GSE1: variants seen among roughly 807,000 people sequenced by gnomAD.
GSE1 encodes the protein genetic suppressor element 1.
In GSE1, 32 loss-of-function variants were observed where a neutral mutation model predicts 112.6. That is an observed-to-expected ratio of 0.28 (90% CI 0.21 to 0.38). The LOEUF is 0.38. GSE1 is among the 10% of genes least tolerant of loss of function. The pLI, the probability that GSE1 is intolerant of heterozygous loss-of-function variation, is 1.00. For missense variants in GSE1, 2,348 were observed against 1,699.2 expected, an observed-to-expected ratio of 1.38 and a Z score of -6.71; for synonymous variants, 1,115 against 735.6, an observed-to-expected ratio of 1.52 and a Z score of -8.35.
In GSE1 at chr16:85,484,203, A is replaced by T. The variant is rs181847772; in HGVS notation, c.2464+126560A>T. Among the ~76,000 whole-genome samples the T allele has an allele frequency of 1.4e-4, 21 of 152,302 alleles. No homozygotes were observed. In the East Asian group the frequency reaches 3.5e-3, roughly 25 times the overall value. ...TCTTCCAACTGGGACGGTGAGCAAGACGTGGCCAGGGGCCAGTGGGTCCCA... is the reference window on the plus strand; with the variant it reads ...TCTTCCAACTGGGACGGTGAGCAAGTCGTGGCCAGGGGCCAGTGGGTCCCA... On this transcript the variant is annotated intron_variant, in intron 2 of 2. Transcript: ENST00000637419.
intron 2 of GSE1, among the ~76,000 whole-genome samples, chr16:85,526,280 C>T (rs1227378631): frequency 6.6e-6 from 1 of 152,266 alleles, no homozygotes; most frequent in Non-Finnish European, 1.5e-5. Flanking sequence ...TAGGGACTCG[C>T]TGTTCCCTTT....
intron 1 of GSE1, among the ~76,000 whole-genome samples, chr16:85,206,141 G>A (rs970302859): frequency 1.3e-5 from 2 of 151,254 alleles, no homozygotes; most frequent in Non-Finnish European, 2.9e-5. Flanking sequence ...AGTTCTGAAC[G>A]ATAAGGGGGA....
chr16:85,518,935 C>T (rs555314464), intron 2 of GSE1, among the ~76,000 whole-genome samples: 1 of 152,298 alleles, frequency 6.6e-6, no homozygotes, highest in East Asian at 1.9e-4. Flanking sequence ...TGTTTTTCTT[C>T]TCTGGACCTG....
At chr16:85,472,459 A>G (rs117124589) in intron 2 of GSE1, among the ~76,000 whole-genome samples, 4,027 of 152,136 alleles carry the variant, frequency 0.026, 71 homozygotes, top group South Asian at 0.053. Context: ...TCTGTGTCCA[A>G]ATTTCCTTCT....
At chr16:85,488,422 C>G (rs960397583) in intron 2 of GSE1, among the ~76,000 whole-genome samples, 1 of 152,196 alleles carries the variant, frequency 6.6e-6, no homozygotes, top group African/African-American at 2.4e-5. Context: ...CAGCACGTTA[C>G]AGCCTACGGG....
At position 85,661,542 on chromosome 16, in the gene GSE1, G is replaced by A. The variant is rs769903946; in HGVS notation, c.2037G>A (p.Glu679=). 3 of 1,612,016 alleles carry A rather than the reference G, an allele frequency of 1.9e-6. No homozygotes were observed. The East Asian group carries it at 6.7e-5, about 36-fold the overall frequency. ...CCGGGCCCTTCCTGGCTGAGCTCGA[G>A]AAGTCCACCCAGACCATCCTGGGCC... ...PGPGPFLAEL[E]KSTQTILGQQ... is the part of the protein sequence containing the mutation. Residue 679 remains glutamate, a synonymous_variant, in exon 9 of 16, where the codon GAG becomes GAA. Transcript: ENST00000253458.
At chr16:85,398,419 C>T (rs374868147) in intron 2 of GSE1, among the ~76,000 whole-genome samples, 1 of 152,076 alleles carries the variant, frequency 6.6e-6, no homozygotes, top group African/African-American at 2.4e-5. Context: ...GTCAGCAGGT[C>T]TGGGTCCAGT....
At chr16:85,382,854 G>A (rs2047582129) in intron 2 of GSE1, among the ~76,000 whole-genome samples, 1 of 150,544 alleles carries the variant, frequency 6.6e-6, no homozygotes, top group South Asian at 2.1e-4. Flanking sequence ...ATGCATACAT[G>A]TGCACACACA....
chr16:85,655,375 TGTCAGAG>T (rs976175943), intron 5 of GSE1, among the ~76,000 whole-genome samples: 1 of 152,260 alleles, frequency 6.6e-6, no homozygotes, highest in African/African-American at 2.4e-5. Flanking sequence ...TGCCCATCCT[TGTCAGAG>T]GTCAGAGGGG....
chr16:85,504,383 C>G (rs913202619), intron 2 of GSE1, among the ~76,000 whole-genome samples: 6 of 152,232 alleles, frequency 3.9e-5, no homozygotes, highest in Non-Finnish European at 7.3e-5. Context: ...TTTTGAGACC[C>G]AGAGGTCTGG....
Position 85,514,369 on chromosome 16 carries a change from C to A in GSE1, c.2465-119545C>A, listed in dbSNP as rs556217945. Among the ~76,000 whole-genome samples the A allele has an allele frequency of 1.4e-3, 210 of 150,928 alleles. 1 individual carries two copies. Among genetic ancestry groups the A allele is most frequent in the African/African-American group, 4.6e-3 (189 of 41,252 alleles). ...CATTTCCTCCTTCGTGGGACACCACCCCCCCATCCTTTGCACCCTCTGAGT... is the reference window on the plus strand; with the variant it reads ...CATTTCCTCCTTCGTGGGACACCACACCCCCATCCTTTGCACCCTCTGAGT... On this transcript the variant is annotated intron_variant, in intron 2 of 2. Transcript: ENST00000637419.
chr16:85,667,821 T>C (rs1178252498), intron 13 of GSE1, among the ~76,000 whole-genome samples: 2 of 152,064 alleles, frequency 1.3e-5, no homozygotes, highest in Non-Finnish European at 2.9e-5. Flanking sequence ...TCACGCCATT[T>C]CTCTCCAGCC....
intron 2 of GSE1, among the ~76,000 whole-genome samples, chr16:85,489,163 A>G (rs1314676750): frequency 6.6e-6 from 1 of 152,028 alleles, no homozygotes; most frequent in Non-Finnish European, 1.5e-5. Flanking sequence ...ATTTCATGTT[A>G]ATTAGCTTAA....
At chr16:85,649,023 C>T (rs1222132833) in intron 3 of GSE1, among the ~76,000 whole-genome samples, 1 of 152,106 alleles carries the variant, frequency 6.6e-6, no homozygotes, top group Non-Finnish European at 1.5e-5. Context: ...TTCTGGAGGC[C>T]ACAAGTTCAC....
At chr16:85,646,892 A>AGG (rs55946477) in intron 2 of GSE1, among the ~76,000 whole-genome samples, 1,437 of 128,606 alleles carry the variant, frequency 0.011, 24 homozygotes, top group Middle Eastern at 0.029. Flanking sequence ...CCCCACAACA[A>AGG]GGGGGGGGGT....
At chr16:85,387,281 A>C (rs2047708563) in intron 2 of GSE1, among the ~76,000 whole-genome samples, 1 of 149,916 alleles carries the variant, frequency 6.7e-6, no homozygotes, top group Non-Finnish European at 1.5e-5. Context: ...AGAACCCCCC[A>C]CTTTCCCGAC....
intron 1 of GSE1, among the ~76,000 whole-genome samples, chr16:85,278,409 A>G (rs902557039): frequency 3.3e-5 from 5 of 152,172 alleles, no homozygotes; most frequent in South Asian, 2.1e-4. Flanking sequence ...CCTGTTTTTC[A>G]TTAGGTTTTT....
intron 1 of GSE1, among the ~76,000 whole-genome samples, chr16:85,342,363 G>A (rs553160282): frequency 2.0e-5 from 3 of 152,322 alleles, no homozygotes; most frequent in Admixed American, 6.5e-5. Context: ...GGCAGGGGCT[G>A]GGGAAGAAAT....
chr16:85,482,313 C>T (rs2050705132), intron 2 of GSE1, among the ~76,000 whole-genome samples: 1 of 152,226 alleles, frequency 6.6e-6, no homozygotes, highest in Admixed American at 6.5e-5. Context: ...TGAGAGATCG[C>T]ACTTGCGTGC....
Sources: allele counts gnomAD v4.1 joint callset (sites outside exome capture counted in the v4.1 genomes callset), GRCh38; gene constraint gnomAD v4.1.1; transcripts MANE v1.5; gene names NCBI Gene and HGNC (gene_info 2026-07-23, HGNC 2026-07-21).